The following SMYD3 variants were observed in gnomAD, a reference collection of about 807,000 sequenced individuals.
SMYD3 encodes histone-lysine N-methyltransferase SMYD3.
Under a neutral mutation model 57.7 loss-of-function variants are expected in SMYD3, and 36 were observed. The ratio of observed to expected loss-of-function variants is 0.62; its 90% CI spans 0.48 to 0.82. SMYD3 has a LOEUF of 0.82. SMYD3 is among the 40% of genes least tolerant of loss of function. The probability of loss-of-function intolerance (pLI) is 0.00; values close to 1 mark genes in which losing one functional copy is unlikely to be tolerated. For synonymous variants in SMYD3, 211 were observed against 195.0 expected, an observed-to-expected ratio of 1.08 and a Z score of -0.68; for missense variants, 515 against 538.8, an observed-to-expected ratio of 0.96 and a Z score of 0.44.
chr1:246,085,267 G>A (rs2060703546), intron 5 of SMYD3, among the ~76,000 whole-genome samples: 1 of 152,096 alleles, frequency 6.6e-6, no homozygotes, highest in Non-Finnish European at 1.5e-5. Context: ...TAATCCAGAG[G>A]TGGATGTTTA....
chr1:245,882,790 C>A (rs2052860012), intron 8 of SMYD3, among the ~76,000 whole-genome samples: 1 of 152,150 alleles, frequency 6.6e-6, no homozygotes. Context: ...ATAAAAAAAT[C>A]TAAATGATAT....
At chr1:245,883,512 A>G (rs935455697) in intron 8 of SMYD3, among the ~76,000 whole-genome samples, 5 of 152,158 alleles carry the variant, frequency 3.3e-5, no homozygotes, top group African/African-American at 4.8e-5. Flanking sequence ...AAACTAGGGG[A>G]AAAAAACCCC....
chr1:246,067,817 G>C (rs1054891055), intron 5 of SMYD3, among the ~76,000 whole-genome samples: 10 of 152,178 alleles, frequency 6.6e-5, no homozygotes, highest in African/African-American at 2.4e-4. Context: ...AGCTTTTACA[G>C]GCTGTTGTAT....
At chr1:245,971,345 G>C (rs1276557465) in intron 5 of SMYD3, among the ~76,000 whole-genome samples, 1 of 152,150 alleles carries the variant, frequency 6.6e-6, no homozygotes, top group African/African-American at 2.4e-5. Context: ...ACCTAATGTA[G>C]ATGACGGGTT....
chr1:245,904,138 C>T (rs1423264277), intron 8 of SMYD3, among the ~76,000 whole-genome samples: 2 of 152,132 alleles, frequency 1.3e-5, no homozygotes, highest in East Asian at 1.9e-4. Flanking sequence ...CCCCATAATT[C>T]TCACAGGTCA....
chr1:246,060,277 G>A lies in SMYD3; in HGVS notation c.532-130340C>T, dbSNP rs554183188. Among the ~76,000 whole-genome samples the A allele has an allele frequency of 2.0e-5, 3 of 151,788 alleles. 1 individual carries two copies. Among genetic ancestry groups the A allele is most frequent in the African/African-American group, 7.2e-5 (3 of 41,430 alleles). Reference sequence around the variant, plus strand: ...CACTCCAGCCTGGGCAACAGAGCGAGACTGTCTCAAAAAATAAAAATAAAG... The same window carrying A: ...CACTCCAGCCTGGGCAACAGAGCGAAACTGTCTCAAAAAATAAAAATAAAG... On this transcript the variant is annotated intron_variant, in intron 5 of 11. Transcript: ENST00000490107.
At chr1:246,120,033 G>A (rs1291099244) in intron 5 of SMYD3, among the ~76,000 whole-genome samples, 1 of 152,166 alleles carries the variant, frequency 6.6e-6, no homozygotes, top group Non-Finnish European at 1.5e-5. Context: ...TAGGTCTGAC[G>A]AAGACCAGAG....
chr1:245,880,077 G>T (rs1033082100), intron 8 of SMYD3, among the ~76,000 whole-genome samples: 3 of 152,060 alleles, frequency 2.0e-5, no homozygotes, highest in Non-Finnish European at 4.4e-5. Flanking sequence ...CAGGTGCGTT[G>T]CTGTACACGC....
At chr1:246,029,697 AAAAG>A (rs2059635829) in intron 5 of SMYD3, among the ~76,000 whole-genome samples, 1 of 151,336 alleles carries the variant, frequency 6.6e-6, no homozygotes, top group Non-Finnish European at 1.5e-5. Context: ...AAAAGAAAGA[AAAAG>A]AAAAAGAAAA....
At chr1:246,119,241 T>C (rs1472857749) in intron 5 of SMYD3, among the ~76,000 whole-genome samples, 4 of 151,934 alleles carry the variant, frequency 2.6e-5, no homozygotes, top group Non-Finnish European at 5.9e-5. Flanking sequence ...CAAGCTATCC[T>C]TCCACCTTGG....
At chr1:246,495,068 T>A (rs2068335406) in intron 1 of SMYD3, among the ~76,000 whole-genome samples, 1 of 152,048 alleles carries the variant, frequency 6.6e-6, no homozygotes, top group Non-Finnish European at 1.5e-5. Context: ...GTCTATGCTC[T>A]GCCGGGCGCG....
At chr1:246,363,224 G>C (rs1438115873) in intron 1 of SMYD3, among the ~76,000 whole-genome samples, 1 of 151,492 alleles carries the variant, frequency 6.6e-6, no homozygotes. Flanking sequence ...GTCTCCGCCC[G>C]GCAGCCACCC....
intron 10 of SMYD3, among the ~76,000 whole-genome samples, chr1:245,786,076 C>T (rs1312250642): frequency 4.1e-5 from 5 of 123,238 alleles, no homozygotes; most frequent in East Asian, 2.3e-4. Context: ...AGAAGTTTTG[C>T]TTTTTTTTTT....
intron 10 of SMYD3, among the ~76,000 whole-genome samples, chr1:245,828,822 C>G (rs1373674008): frequency 2.0e-5 from 3 of 151,990 alleles, no homozygotes; most frequent in Non-Finnish European, 2.9e-5. Flanking sequence ...TGTGCCTCAG[C>G]CTCCCAAGTA....
intron 5 of SMYD3, among the ~76,000 whole-genome samples, chr1:246,137,928 C>G (rs2061688286): frequency 6.6e-6 from 1 of 152,116 alleles, no homozygotes; most frequent in Non-Finnish European, 1.5e-5. Context: ...CCAAATTCCT[C>G]TCAGAGATTA....
At chr1:246,021,714 C>T (rs1375081100) in intron 5 of SMYD3, among the ~76,000 whole-genome samples, 1 of 152,188 alleles carries the variant, frequency 6.6e-6, no homozygotes, top group African/African-American at 2.4e-5. Flanking sequence ...AATTCTATTG[C>T]TTTCTCAGCA....
At chr1:245,989,938 C>T (rs1366034455) in intron 5 of SMYD3, among the ~76,000 whole-genome samples, 1 of 152,220 alleles carries the variant, frequency 6.6e-6, no homozygotes, top group Admixed American at 6.5e-5. Context: ...ATACCAAATA[C>T]AAAAGATCTA....
intron 5 of SMYD3, among the ~76,000 whole-genome samples, chr1:246,116,325 T>A (rs1398962209): frequency 4.6e-5 from 7 of 151,816 alleles, no homozygotes; most frequent in Admixed American, 4.6e-4. Flanking sequence ...ACTTTGTAAA[T>A]CACATTGAGG....
At chr1:246,241,804 T>A (rs188331958) in intron 5 of SMYD3, among the ~76,000 whole-genome samples, 7,039 of 152,284 alleles carry the variant, frequency 0.046, 211 homozygotes, top group Middle Eastern at 0.085. Flanking sequence ...TTCAACTTCT[T>A]CCTGGTTTAG....
Sources: gnomAD v4.1 joint callset for allele counts (sites outside exome capture counted in the v4.1 genomes callset) on GRCh38, gnomAD v4.1.1 for gene constraint, MANE v1.5 for transcripts, NCBI Gene and HGNC (gene_info 2026-07-23, HGNC 2026-07-21) for gene names.